The following NCOA2 variants were observed in gnomAD, a reference collection of about 807,000 sequenced individuals.
NCOA2 encodes class E basic helix-loop-helix protein 75.
In NCOA2, 21 loss-of-function variants were observed where a neutral mutation model predicts 145.1. The observed-to-expected ratio is 0.14, with a 90% CI of 0.10 to 0.21. NCOA2 has a LOEUF of 0.21. Among genes scored for constraint, NCOA2 ranks in the 10% least tolerant of loss-of-function variants. The probability of loss-of-function intolerance (pLI) is 1.00; values close to 1 mark genes in which losing one functional copy is unlikely to be tolerated. For synonymous variants in NCOA2, 619 were observed against 637.5 expected, an observed-to-expected ratio of 0.97 and a Z score of 0.44; for missense variants, 1,472 against 1,837.6, an observed-to-expected ratio of 0.80 and a Z score of 3.64.
intron 4 of NCOA2, among the ~76,000 whole-genome samples, chr8:70,182,595 T>C (rs1815612856): frequency 6.6e-6 from 1 of 152,220 alleles, no homozygotes; most frequent in South Asian, 2.1e-4. Context: ...ATGCTTTTGT[T>C]CATGGGAATT....
At chr8:70,385,058 AC>A (rs1812534591) in intron 1 of NCOA2, among the ~76,000 whole-genome samples, 1 of 152,212 alleles carries the variant, frequency 6.6e-6, no homozygotes, top group South Asian at 2.1e-4. Flanking sequence ...CATTTCTGTT[AC>A]ACCCTTCAAT....
chr8:70,264,442 G>T (rs938520403), intron 2 of NCOA2, among the ~76,000 whole-genome samples: 3 of 151,888 alleles, frequency 2.0e-5, no homozygotes, highest in Admixed American at 1.3e-4. Context: ...CTGCAGAGAG[G>T]TGTGATAGTG....
the NCOA2 span, among the ~76,000 whole-genome samples, chr8:70,433,297 T>C: frequency 4.0e-5 from 6 of 151,698 alleles, no homozygotes; most frequent in East Asian, 1.9e-4. Context: ...GTAGGGGTGA[T>C]AGCAATATAT....
intron 1 of NCOA2, among the ~76,000 whole-genome samples, chr8:70,298,763 T>C (rs16936902): frequency 0.068 from 10,326 of 152,198 alleles, 452 homozygotes; most frequent in East Asian, 0.16. Context: ...AATGCACCCA[T>C]GCTAAAGAAA....
intron 1 of NCOA2, among the ~76,000 whole-genome samples, chr8:70,319,683 C>T (rs1193746281): frequency 6.6e-6 from 1 of 152,010 alleles, no homozygotes; most frequent in Non-Finnish European, 1.5e-5. Flanking sequence ...GTAAATAAAG[C>T]TAGTTTTAAA....
chr8:70,159,255 T>C lies in NCOA2; in HGVS notation c.1124+250A>G, dbSNP rs58827349. Among the ~76,000 whole-genome samples, 541 of 137,568 alleles carry C rather than the reference T, an allele frequency of 3.9e-3. 21 individuals carry two copies. Among genetic ancestry groups the C allele is most frequent in the African/African-American group, 0.011 (389 of 36,928 alleles). 90.2% of individuals were successfully genotyped at this position (137,568 alleles called of 152,430 possible). ...ATATATATATATATTTTTTTTTTTT[T>C]CCCCCAAATATTTTCCATCTGTGGT... is the stretch of plus-strand genomic sequence containing the variant. On this transcript the variant is annotated intron_variant, in intron 10 of 22. Transcript: ENST00000452400.
In NCOA2 at chr8:70,113,579, T is replaced by G. The variant is rs913011200; in HGVS notation, c.*53A>C. On this transcript the variant is annotated 3_prime_UTR_variant, in exon 23 of 23. Transcript: ENST00000452400. ...TAGACACAGCTCTCCAGACTGGAAG[T>G]GTTTTGAGCAAGTGAGCCCGGTCAG... 1.3e-6 allele frequency: 2 copies of G among 1,542,954 alleles called. No homozygotes were observed.
intron 1 of NCOA2, among the ~76,000 whole-genome samples, chr8:70,386,072 AC>A (rs1812635919): frequency 6.6e-6 from 1 of 152,210 alleles, no homozygotes; most frequent in African/African-American, 2.4e-5. Context: ...TTCTCAGGTT[AC>A]CAGGATTCCT....
At chr8:70,134,099 G>A (rs1437783136) in intron 15 of NCOA2, among the ~76,000 whole-genome samples, 1 of 152,104 alleles carries the variant, frequency 6.6e-6, no homozygotes, top group Non-Finnish European at 1.5e-5. Flanking sequence ...CACACATGCT[G>A]GGAGCTTGCT....
At chr8:70,274,383 G>A (rs1825312046) in intron 2 of NCOA2, among the ~76,000 whole-genome samples, 1 of 152,128 alleles carries the variant, frequency 6.6e-6, no homozygotes, top group Admixed American at 6.6e-5. Context: ...CAGAGCTTCA[G>A]CTAATTGTAA....
Position 70,110,295 on chromosome 8 carries a change from C to A in NCOA2, c.*3337G>T, listed in dbSNP as rs1034396904. On this transcript the variant is annotated 3_prime_UTR_variant, in exon 23 of 23. Coordinates refer to ENST00000452400, the MANE Select transcript of NCOA2 (RefSeq NM_006540.4). ...AATTCACTATACAAATATAATACATCGGACAGCTATGTAGGAATATACAAG... is the reference window on the plus strand; with the variant it reads ...AATTCACTATACAAATATAATACATAGGACAGCTATGTAGGAATATACAAG... 1 of 197,378 alleles carries A rather than the reference C, an allele frequency of 5.1e-6. No homozygotes were observed. Among genetic ancestry groups the A allele is most frequent in the South Asian group, 1.9e-4 (1 of 5,194 alleles). The allele number at this position is 197,378 out of a possible 1,614,324, so 12.2% of individuals were successfully genotyped here.
chr8:70,152,657 A>C (rs1331401244), intron 11 of NCOA2, among the ~76,000 whole-genome samples: 3 of 152,350 alleles, frequency 2.0e-5, no homozygotes, highest in East Asian at 1.9e-4. Context: ...AAAGTGTGTA[A>C]ACATACTGGA....
chr8:70,180,725 C>T (rs1306332982), intron 4 of NCOA2, among the ~76,000 whole-genome samples: 1 of 152,186 alleles, frequency 6.6e-6, no homozygotes, highest in East Asian at 1.9e-4. Context: ...GAGACAGCAT[C>T]CCACTATGTC....
chr8:70,197,841 T>A (rs1249799271), intron 4 of NCOA2, among the ~76,000 whole-genome samples: 1 of 152,054 alleles, frequency 6.6e-6, no homozygotes, highest in South Asian at 2.1e-4. Flanking sequence ...TAAAAGTTTT[T>A]TTTTTTTTTT....
intron 5 of NCOA2, among the ~76,000 whole-genome samples, chr8:70,171,666 A>C (rs924979980): frequency 1.3e-5 from 2 of 152,080 alleles, no homozygotes; most frequent in African/African-American, 4.8e-5. Context: ...TGTTTATTAC[A>C]ATTTTATCTT....
chr8:70,301,991 A>G (rs548081574), intron 1 of NCOA2, among the ~76,000 whole-genome samples: 1 of 152,318 alleles, frequency 6.6e-6, no homozygotes, highest in South Asian at 2.1e-4. Context: ...ATAATATATG[A>G]TTAATACAAA....
intron 22 of NCOA2, among the ~76,000 whole-genome samples, chr8:70,116,106 G>C (rs974363366): frequency 2.7e-5 from 4 of 150,814 alleles, no homozygotes; most frequent in Admixed American, 6.6e-5. Context: ...AGAATGGCAT[G>C]AACCTGGGAG....
intron 4 of NCOA2, among the ~76,000 whole-genome samples, chr8:70,179,424 A>G (rs1815228562): frequency 6.6e-6 from 1 of 152,170 alleles, no homozygotes; most frequent in South Asian, 2.1e-4. Context: ...GAGGAGGAAA[A>G]GAAGGGAGGA....
At position 70,216,751 on chromosome 8, in the gene NCOA2, A is replaced by G. The variant is rs768776450; in HGVS notation, c.-6T>C. On this transcript the variant is annotated 5_prime_UTR_variant, in exon 3 of 23. Coordinates refer to ENST00000452400, the MANE Select transcript of NCOA2 (RefSeq NM_006540.4). ...TTTTCTCCCATCCCACTCATCTTGA[A>G]CACATATCAGCAACTAAAACAGAAA... 9 of 1,602,586 alleles carry G rather than the reference A, an allele frequency of 5.6e-6. No homozygotes were observed. The South Asian group carries it at 9.9e-5, about 18-fold the overall frequency.
Sources: allele counts gnomAD v4.1 joint callset (sites outside exome capture counted in the v4.1 genomes callset), GRCh38; gene constraint gnomAD v4.1.1; transcripts MANE v1.5; gene names NCBI Gene and HGNC (gene_info 2026-07-23, HGNC 2026-07-21).